Variants in VPS35L observed in about 807,000 individuals in gnomAD.
The protein encoded by VPS35L is VPS35 endosomal protein sorting factor like.
VPS35L carries 83 observed loss-of-function variants against 133.0 expected under a neutral mutation model. The ratio of observed to expected loss-of-function variants is 0.62; its 90% CI spans 0.52 to 0.75. The LOEUF (loss-of-function observed/expected upper bound fraction) is 0.75, where lower values mean the gene tolerates loss of function less well. Ranked by LOEUF, VPS35L falls within the 30% of genes least tolerant of loss-of-function variation. The pLI is 0.00. For synonymous variants in VPS35L, 423 were observed against 449.9 expected (o/e 0.94, Z 0.76); for missense variants, 1,083 against 1,206.8 (o/e 0.90, Z 1.52).
At chr16:19,657,893 C>G (rs1409364842) in intron 26 of VPS35L, among the ~76,000 whole-genome samples, 1 of 152,214 alleles carries the variant, frequency 6.6e-6, no homozygotes, top group East Asian at 1.9e-4. Context: ...TGATTGTTTT[C>G]TCCAACCCTG....
intron 23 of VPS35L, among the ~76,000 whole-genome samples, chr16:19,645,582 C>T (rs960447081): frequency 7.2e-5 from 11 of 152,220 alleles, no homozygotes; most frequent in Admixed American, 3.3e-4. Flanking sequence ...AGCCACTGCA[C>T]CCAGCCCCCT....
intron 3 of VPS35L, 61 bp downstream of exon 3, chr16:19,569,652 G>A: frequency 6.9e-7 from 1 of 1,443,546 alleles, no homozygotes; most frequent in Non-Finnish European, 9.2e-7. Flanking sequence ...AGGAATGGGT[G>A]GTTTTCTTGT....
intron 8 of VPS35L, among the ~76,000 whole-genome samples, chr16:19,593,395 A>G (rs1176481748): frequency 1.2e-4 from 19 of 152,224 alleles, no homozygotes. Flanking sequence ...CCATCGAAAG[A>G]TACAATGTGT....
intron 29 of VPS35L, among the ~76,000 whole-genome samples, chr16:19,696,053 A>AT (rs1975897984): frequency 6.6e-6 from 1 of 151,782 alleles, no homozygotes; most frequent in African/African-American, 2.4e-5. Context: ...CACCTAGCTA[A>AT]TTTTTTGTAT....
intron 20 of VPS35L, 123 bp downstream of exon 20, chr16:19,637,779 T>TAAAAGGATCA: frequency 1.6e-6 from 1 of 614,126 alleles, no homozygotes; most frequent in East Asian, 2.9e-5. Flanking sequence ...TTTTATAAAG[T>TAAAAGGATCA]AGTTAAGTCT....
intron 19 of VPS35L, among the ~76,000 whole-genome samples, chr16:19,635,024 G>A (rs935815248): frequency 1.3e-5 from 2 of 152,160 alleles, no homozygotes; most frequent in African/African-American, 4.8e-5. Flanking sequence ...CGCAGATTGA[G>A]AAGCATTTTA....
chr16:19,575,442 C>G (rs1044090084), intron 5 of VPS35L, among the ~76,000 whole-genome samples: 1 of 146,550 alleles, frequency 6.8e-6, no homozygotes, highest in Non-Finnish European at 1.5e-5. Context: ...GGCGCACGCC[C>G]GTAATCCCAG....
chr16:19,663,102 G>A (rs931327526), intron 26 of VPS35L, among the ~76,000 whole-genome samples: 1 of 152,104 alleles, frequency 6.6e-6, no homozygotes, highest in African/African-American at 2.4e-5. Context: ...CTGAGTTCAG[G>A]AGTTCGAGAT....
intron 23 of VPS35L, among the ~76,000 whole-genome samples, chr16:19,645,170 A>G (rs1973901341): frequency 6.6e-6 from 1 of 151,078 alleles, no homozygotes; most frequent in Non-Finnish European, 1.5e-5. Flanking sequence ...CGGGAGGGTG[A>G]TGGGAGGAGG....
intron 12 of VPS35L, among the ~76,000 whole-genome samples, chr16:19,612,276 C>G (rs1055893615): frequency 1.7e-4 from 26 of 149,694 alleles, no homozygotes; most frequent in Non-Finnish European, 3.6e-4. Context: ...TTTTTTGCAC[C>G]AGAGTCTCAC....
intron 1 of VPS35L, among the ~76,000 whole-genome samples, chr16:19,559,071 C>G (rs1970948206): frequency 6.6e-6 from 1 of 152,078 alleles, no homozygotes; most frequent in Admixed American, 6.6e-5. Flanking sequence ...TAACCAAAAA[C>G]TTATTTGAGA....
intron 19 of VPS35L, among the ~76,000 whole-genome samples, chr16:19,636,129 TGA>T (rs1973616088): frequency 1.3e-5 from 2 of 152,122 alleles, no homozygotes; most frequent in Non-Finnish European, 2.9e-5. Flanking sequence ...AAGGCTGCAG[TGA>T]GCTGAGATCA....
At chr16:19,610,877 G>T (rs1972694420) in intron 12 of VPS35L, among the ~76,000 whole-genome samples, 1 of 152,144 alleles carries the variant, frequency 6.6e-6, no homozygotes, top group Non-Finnish European at 1.5e-5. Context: ...TGGCTGCTGT[G>T]AAAGGGGGTA....
chr16:19,578,677 TGTGA>T (rs1971613453), intron 5 of VPS35L: 4 of 321,570 alleles, frequency 1.2e-5, no homozygotes, highest in South Asian at 8.0e-5. Flanking sequence ...AATTCTACGC[TGTGA>T]GTAAGAGCCT....
chr16:19,686,323 G>A lies in VPS35L; in HGVS notation c.2527+3933G>A, dbSNP rs535908324. On this transcript the variant is annotated intron_variant, in intron 28 of 30. Coordinates refer to ENST00000417362, the MANE Select transcript of VPS35L (RefSeq NM_020314.7). ...GGATGCCTTGGCCACTTTCTTCCCA[G>A]ATTAAGAAAAAGAGAAGGCTCTGAC... Among the ~76,000 whole-genome samples, 9 of 152,290 alleles carry A rather than the reference G, an allele frequency of 5.9e-5. No homozygotes were observed. The South Asian group carries it at 1.7e-3, about 28-fold the overall frequency.
chr16:19,670,326 C>T (rs992518161), intron 27 of VPS35L, among the ~76,000 whole-genome samples: 1 of 152,210 alleles, frequency 6.6e-6, no homozygotes, highest in Admixed American at 6.5e-5. Context: ...AGAGGTGTCG[C>T]CCAGTGGGGA....
chr16:19,599,576 C>T lies in VPS35L; in HGVS notation c.725-2088C>T, dbSNP rs566692235. Among the ~76,000 whole-genome samples, 3 of 151,582 alleles carry T rather than the reference C, an allele frequency of 2.0e-5. No homozygotes were observed. In the East Asian group the frequency reaches 5.8e-4, roughly 29 times the overall value. Reference sequence around the variant, plus strand: ...TTAAAGACAGTGTCTCACTCTGTTGCCCCAGGCTGGAGTGCAGCGGCACAA... The same window carrying T: ...TTAAAGACAGTGTCTCACTCTGTTGTCCCAGGCTGGAGTGCAGCGGCACAA... On this transcript the variant is annotated intron_variant, in intron 8 of 30. Coordinates refer to ENST00000417362, the MANE Select transcript of VPS35L (RefSeq NM_020314.7).
chr16:19,638,748 C>T (rs1244539602), intron 20 of VPS35L, among the ~76,000 whole-genome samples: 1 of 152,148 alleles, frequency 6.6e-6, no homozygotes, highest in African/African-American at 2.4e-5. Flanking sequence ...TGACTCACAA[C>T]CTGGGAGGGA....
chr16:19,696,102 T>G (rs1975900090), intron 29 of VPS35L, among the ~76,000 whole-genome samples: 1 of 152,114 alleles, frequency 6.6e-6, no homozygotes, highest in Non-Finnish European at 1.5e-5. Flanking sequence ...GCCAGGATGG[T>G]CTCGATCTCC....
Sources: allele counts gnomAD v4.1 joint callset (sites outside exome capture counted in the v4.1 genomes callset), GRCh38; gene constraint gnomAD v4.1.1; transcripts MANE v1.5; gene names NCBI Gene and HGNC (gene_info 2026-07-23, HGNC 2026-07-21).